Variants in MEI4 observed in about 807,000 individuals in gnomAD.
MEI4 encodes meiotic double-stranded break formation protein 4, also known as meiosis-specific protein MEI4.
A neutral mutation model predicts 31.4 loss-of-function variants in MEI4; 27 were observed. The observed-to-expected ratio is 0.86, with a 90% confidence interval of 0.63 to 1.19. The LOEUF is 1.19. MEI4 is among the 50% of genes most tolerant of loss of function. MEI4 has a pLI of 0.00. For missense variants in MEI4, 329 were observed against 398.9 expected, an observed-to-expected ratio of 0.82 and a Z score of 1.49; for synonymous variants, 122 against 145.4, an observed-to-expected ratio of 0.84 and a Z score of 1.16.
intron 1 of MEI4, among the ~76,000 whole-genome samples, chr6:77,678,705 C>T (rs1171036929): frequency 6.8e-6 from 1 of 147,872 alleles, no homozygotes; most frequent in Admixed American, 6.8e-5. Flanking sequence ...TCTTGGAGTG[C>T]ACTCTTTCTA....
rs958654135 is a variant in MEI4, at chr6:77,761,404, T to G, written c.507T>G (p.Leu169=). The change falls in exon 3 of 5, where the codon CTT becomes CTG. Residue 169 remains leucine, a synonymous_variant. Transcript: ENST00000684080. ...AGAACTTGACAGAATCAGGTAATCT[T>G]AAAAGAGACTTAACCCACTTTGAAA... is the stretch of plus-strand genomic sequence containing the variant. ...ELKNLTESGN[L]KRDLTHFEKD... is the part of the protein sequence containing the mutation. 13 of 1,232,070 alleles carry G rather than the reference T, an allele frequency of 1.1e-5. No individual in the cohort carries two copies. In the South Asian group the frequency reaches 3.7e-4, roughly 35 times the overall value. 76.3% of individuals were successfully genotyped at this position (1,232,070 alleles called of 1,614,324 possible). A position where few individuals can be genotyped will look rare whatever the true frequency, so the allele number is the denominator to read the frequency against.
chr6:77,790,890 T>C (rs1291163811), intron 3 of MEI4, among the ~76,000 whole-genome samples: 1 of 152,104 alleles, frequency 6.6e-6, no homozygotes, highest in Non-Finnish European at 1.5e-5. Context: ...CAGACACTTC[T>C]CAAAAGAAGA....
At chr6:77,772,247 A>C (rs1474685875) in intron 3 of MEI4, among the ~76,000 whole-genome samples, 1 of 104,242 alleles carries the variant, frequency 9.6e-6, no homozygotes, top group Non-Finnish European at 1.8e-5. Flanking sequence ...AAACCAGACA[A>C]AGACACATCA....
At chr6:77,823,205 TCTAAA>T (rs1769868938) in intron 3 of MEI4, among the ~76,000 whole-genome samples, 1 of 152,168 alleles carries the variant, frequency 6.6e-6, no homozygotes. Flanking sequence ...AGAAACTTAC[TCTAAA>T]CTATGTATTT....
At chr6:77,727,920 ACAT>A (rs1766867690) in intron 2 of MEI4, among the ~76,000 whole-genome samples, 1 of 148,578 alleles carries the variant, frequency 6.7e-6, no homozygotes, top group Non-Finnish European at 1.5e-5. Context: ...TAACAGATGT[ACAT>A]TAGTTAGAGA....
intron 4 of MEI4, among the ~76,000 whole-genome samples, chr6:77,891,601 T>C (rs925378512): frequency 3.3e-5 from 5 of 152,174 alleles, no homozygotes; most frequent in African/African-American, 1.2e-4. Flanking sequence ...TTTGAATTTT[T>C]TTTCAGTCAT....
intron 3 of MEI4, among the ~76,000 whole-genome samples, chr6:77,763,217 T>G (rs1410406073): frequency 6.6e-6 from 1 of 151,988 alleles, no homozygotes; most frequent in Non-Finnish European, 1.5e-5. Flanking sequence ...TCTTCCACCT[T>G]CCTCAAGCAG....
intron 1 of MEI4, among the ~76,000 whole-genome samples, chr6:77,687,268 C>T (rs1769075602): frequency 6.6e-6 from 1 of 152,118 alleles, no homozygotes; most frequent in Admixed American, 6.5e-5. Context: ...AGAGACACTA[C>T]ATACCTTCGT....
intron 4 of MEI4, among the ~76,000 whole-genome samples, chr6:77,839,776 A>G (rs1265098679): frequency 6.6e-6 from 1 of 152,198 alleles, no homozygotes; most frequent in Non-Finnish European, 1.5e-5. Context: ...CTGCTTTTAT[A>G]CTACAAAAAA....
At chr6:77,910,707 T>C (rs1468211579) in intron 4 of MEI4, among the ~76,000 whole-genome samples, 1 of 152,066 alleles carries the variant, frequency 6.6e-6, no homozygotes, top group Non-Finnish European at 1.5e-5. Flanking sequence ...TTGGCTATTG[T>C]GAATAGGGTT....
At chr6:77,671,635 C>T (rs1768742795) in intron 1 of MEI4, among the ~76,000 whole-genome samples, 1 of 152,030 alleles carries the variant, frequency 6.6e-6, no homozygotes, top group Admixed American at 6.6e-5. Flanking sequence ...CTCATTGTAG[C>T]CCCTCATTAT....
chr6:77,839,263 T>C (rs1347427020), intron 4 of MEI4, among the ~76,000 whole-genome samples: 1 of 152,070 alleles, frequency 6.6e-6, no homozygotes, highest in African/African-American at 2.4e-5. Flanking sequence ...ACAAATAGGA[T>C]GAATGGTGAA....
Position 77,727,366 on chromosome 6 carries a change from A to G in MEI4, c.233-33764A>G, listed in dbSNP as rs1030391954. Among the ~76,000 whole-genome samples, 12 of 152,332 alleles carry G rather than the reference A, an allele frequency of 7.9e-5. No individual in the cohort carries two copies. In the East Asian group the frequency reaches 1.9e-3, roughly 24 times the overall value. The stretch of plus-strand genomic sequence containing the variant: ...GTGAAGATTAAAGGGGATTTTATGA[A>G]TGTTTTATGTATCCTAGGACTATGA... On this transcript the variant is annotated intron_variant, in intron 2 of 4. Coordinates refer to ENST00000684080, the MANE Select transcript of MEI4 (RefSeq NM_001322247.2).
In MEI4 at chr6:77,774,413, A is replaced by T. The variant is rs114333999; in HGVS notation, c.768+12748A>T. On this transcript the variant is annotated intron_variant, in intron 3 of 4. Transcript: ENST00000684080. ...ATTTTAAATGAAATAAGTGAGGCCC[A>T]GGAAGACAAACTTCACATGTTCTTA... Among the ~76,000 whole-genome samples, 1,025 of 152,236 alleles carry T rather than the reference A, an allele frequency of 6.7e-3. 10 individuals carry two copies. The highest frequency in any genetic ancestry group is 0.023 in the African/African-American group (937 of 41,560).
At chr6:77,672,731 G>C (rs909474557) in intron 1 of MEI4, among the ~76,000 whole-genome samples, 3 of 152,088 alleles carry the variant, frequency 2.0e-5, no homozygotes, top group African/African-American at 7.2e-5. Context: ...GTAGAGACAG[G>C]GTTTCACCTT....
At chr6:77,752,659 T>C (rs1420113853) in intron 2 of MEI4, among the ~76,000 whole-genome samples, 1 of 152,116 alleles carries the variant, frequency 6.6e-6, no homozygotes, top group African/African-American at 2.4e-5. Flanking sequence ...GGAAGAATCA[T>C]ATCACAAAAA....
intron 4 of MEI4, among the ~76,000 whole-genome samples, chr6:77,868,032 CACA>C (rs761642099): frequency 7.3e-5 from 11 of 149,828 alleles, no homozygotes; most frequent in Admixed American, 5.4e-4. Flanking sequence ...AACACATGGA[CACA>C]GGAAGGGGAA....
At chr6:77,715,870 T>C (rs956483758) in intron 2 of MEI4, among the ~76,000 whole-genome samples, 1 of 152,242 alleles carries the variant, frequency 6.6e-6, no homozygotes, top group African/African-American at 2.4e-5. Flanking sequence ...AATTTCTTGG[T>C]TGAAAATTGG....
At chr6:77,921,184 C>T (rs1166848073) in intron 4 of MEI4, among the ~76,000 whole-genome samples, 1 of 151,826 alleles carries the variant, frequency 6.6e-6, no homozygotes, top group Non-Finnish European at 1.5e-5. Flanking sequence ...TATTATCTTA[C>T]CTATAACTTC....
Sources: allele counts gnomAD v4.1 joint callset (sites outside exome capture counted in the v4.1 genomes callset), GRCh38; gene constraint gnomAD v4.1.1; transcripts MANE v1.5; gene names NCBI Gene and HGNC (gene_info 2026-07-23, HGNC 2026-07-21).